The following ITPR2 variants were observed in gnomAD, a reference collection of about 807,000 sequenced individuals.
ITPR2 encodes the protein inositol 1,4,5-trisphosphate-gated calcium channel ITPR2.
ITPR2 carries 207 observed loss-of-function variants against 317.1 expected under a neutral mutation model. The ratio of observed to expected loss-of-function variants is 0.65; its 90% CI spans 0.58 to 0.73. ITPR2 has a LOEUF of 0.73. Ranked by LOEUF, ITPR2 falls within the 30% of genes least tolerant of loss-of-function variation. ITPR2 has a pLI of 0.00. For missense variants in ITPR2, 2,613 were observed against 3,284.0 expected (o/e 0.80, Z 4.99); for synonymous variants, 1,156 against 1,149.1 (o/e 1.01, Z -0.12).
intron 31 of ITPR2, among the ~76,000 whole-genome samples, chr12:26,596,046 A>G (rs1945834946): frequency 6.6e-6 from 1 of 152,214 alleles, no homozygotes; most frequent in Non-Finnish European, 1.5e-5. Flanking sequence ...GACTTTTTCT[A>G]TCATCAGAAA....
intron 37 of ITPR2, among the ~76,000 whole-genome samples, chr12:26,543,919 C>T (rs1944325566): frequency 6.6e-6 from 1 of 152,102 alleles, no homozygotes; most frequent in Admixed American, 6.6e-5. Context: ...TCTAAATATG[C>T]CAACCCCAAA....
intron 43 of ITPR2, among the ~76,000 whole-genome samples, chr12:26,479,873 A>G (rs1031909717): frequency 2.0e-5 from 3 of 152,212 alleles, no homozygotes; most frequent in Non-Finnish European, 4.4e-5. Context: ...CAGGAGTTCA[A>G]TATCAGCCTG....
intron 49 of ITPR2, chr12:26,419,686 C>A (rs1407590155): frequency 6.6e-6 from 1 of 151,958 alleles, no homozygotes; most frequent in Non-Finnish European, 1.5e-5. Flanking sequence ...TACAATGACT[C>A]CTAAAAATAT....
chr12:26,379,611 C>T (rs878896666), intron 55 of ITPR2, among the ~76,000 whole-genome samples: 6 of 152,290 alleles, frequency 3.9e-5, no homozygotes, highest in African/African-American at 1.4e-4. Context: ...TATACCCCTG[C>T]AGATTTATCT....
chr12:26,632,861 A>G (rs1413502908), intron 21 of ITPR2, among the ~76,000 whole-genome samples: 1 of 152,194 alleles, frequency 6.6e-6, no homozygotes, highest in African/African-American at 2.4e-5. Context: ...ACTGACCACA[A>G]ATAGCTGTAT....
At chr12:26,516,270 A>AGGAAG (rs1591847735) in intron 37 of ITPR2, among the ~76,000 whole-genome samples, 16 of 38,984 alleles carry the variant, frequency 4.1e-4, no homozygotes, top group East Asian at 1.3e-3. Flanking sequence ...AGGAAAGGAA[A>AGGAAG]GGAAGGGAAG....
chr12:26,663,952 G>A (rs1947561806), intron 14 of ITPR2, 106 bp from the exon 15 acceptor site: 2 of 1,028,010 alleles, frequency 1.9e-6, no homozygotes, highest in African/African-American at 1.6e-5. Context: ...ATATAAATTT[G>A]AGTATTAGAG....
chr12:26,370,061 T>G (rs1238160073), intron 55 of ITPR2, among the ~76,000 whole-genome samples: 1 of 152,178 alleles, frequency 6.6e-6, no homozygotes, highest in African/African-American at 2.4e-5. Flanking sequence ...ATGTGTCTCT[T>G]CATTTGGCTG....
intron 1 of ITPR2, among the ~76,000 whole-genome samples, chr12:26,802,485 A>G (rs923135275): frequency 1.3e-4 from 20 of 151,794 alleles, no homozygotes; most frequent in African/African-American, 4.8e-4. Flanking sequence ...CTGTCTCTTT[A>G]AATTAATATA....
intron 13 of ITPR2, among the ~76,000 whole-genome samples, chr12:26,678,676 AC>A (rs1468540921): frequency 6.6e-6 from 1 of 152,210 alleles, no homozygotes; most frequent in Non-Finnish European, 1.5e-5. Context: ...CAATAATTGT[AC>A]CTTCATATTT....
At chr12:26,716,018 T>C in intron 6 of ITPR2, 126 bp downstream of exon 6, 1 of 728,020 alleles carries the variant, frequency 1.4e-6, no homozygotes, top group Non-Finnish European at 2.3e-6. Flanking sequence ...ATATGTACCT[T>C]AGGGATATTA....
At chr12:26,766,276 G>A (rs553752331) in intron 2 of ITPR2, among the ~76,000 whole-genome samples, 7 of 151,884 alleles carry the variant, frequency 4.6e-5, no homozygotes, top group Non-Finnish European at 1.0e-4. Context: ...TCCACATCCT[G>A]GATAATACTT....
At chr12:26,408,604 G>A (rs1940436715) in intron 52 of ITPR2, among the ~76,000 whole-genome samples, 1 of 152,134 alleles carries the variant, frequency 6.6e-6, no homozygotes, top group Non-Finnish European at 1.5e-5. Context: ...TGCCTTGGGA[G>A]CCCTGGCTAC....
intron 13 of ITPR2, among the ~76,000 whole-genome samples, chr12:26,670,483 G>T (rs1351831617): frequency 1.3e-5 from 2 of 152,232 alleles, no homozygotes; most frequent in African/African-American, 2.4e-5. Context: ...ACCTGCAGCT[G>T]AGGGTCCTGT....
At chr12:26,734,850 T>C (rs144242666) in intron 2 of ITPR2, among the ~76,000 whole-genome samples, 3 of 152,300 alleles carry the variant, frequency 2.0e-5, no homozygotes, top group Non-Finnish European at 2.9e-5. Context: ...TATTCATCAT[T>C]ATTATTACAT....
chr12:26,731,804 A>C (rs1949032792), intron 2 of ITPR2, among the ~76,000 whole-genome samples: 1 of 152,158 alleles, frequency 6.6e-6, no homozygotes, highest in South Asian at 2.1e-4. Flanking sequence ...TCTCTTACAA[A>C]ATACAAATTT....
chr12:26,810,832 T>C (rs974621514), intron 1 of ITPR2, among the ~76,000 whole-genome samples: 1 of 152,156 alleles, frequency 6.6e-6, no homozygotes, highest in Non-Finnish European at 1.5e-5. Context: ...TTTGGTTTCA[T>C]TTATTTATTT....
At chr12:26,698,923 T>G (rs1270256433) in intron 9 of ITPR2, among the ~76,000 whole-genome samples, 1 of 151,970 alleles carries the variant, frequency 6.6e-6, no homozygotes, top group Non-Finnish European at 1.5e-5. Flanking sequence ...CAGAAGAAAT[T>G]TATTCATCTA....
chr12:26,726,971 T>C (rs1948939107), intron 2 of ITPR2, among the ~76,000 whole-genome samples: 1 of 152,268 alleles, frequency 6.6e-6, no homozygotes, highest in South Asian at 2.1e-4. Context: ...CTAATCTTAA[T>C]TTCTAGTTTA....
Sources: allele counts gnomAD v4.1 joint callset (sites outside exome capture counted in the v4.1 genomes callset), GRCh38; gene constraint gnomAD v4.1.1; transcripts MANE v1.5; gene names NCBI Gene and HGNC (gene_info 2026-07-23, HGNC 2026-07-21).